The following MAP2K6 variants were observed in gnomAD, a reference collection of about 807,000 sequenced individuals.
MAP2K6 encodes mitogen-activated protein kinase kinase 6.
MAP2K6 carries 16 observed loss-of-function variants against 53.7 expected under a neutral mutation model. That is an observed-to-expected ratio of 0.30 (90% CI 0.20 to 0.45). The LOEUF is 0.45. Ranked by LOEUF, MAP2K6 falls within the 20% of genes least tolerant of loss-of-function variation. The pLI is 1.00. For missense variants in MAP2K6, 204 were observed against 411.9 expected, an observed-to-expected ratio of 0.50 and a Z score of 4.37; for synonymous variants, 132 against 143.1, an observed-to-expected ratio of 0.92 and a Z score of 0.55.
intron 1 of MAP2K6, among the ~76,000 whole-genome samples, chr17:69,419,349 T>G (rs1340742656): frequency 6.6e-6 from 1 of 152,326 alleles, no homozygotes; most frequent in East Asian, 1.9e-4. Context: ...TTGCCCTTCA[T>G]AGAGGTAACA....
chr17:69,536,085 G>T, intron 10 of MAP2K6, 30 bp from the exon 11 acceptor site: 1 of 1,471,520 alleles, frequency 6.8e-7, no homozygotes, highest in South Asian at 1.1e-5. Context: ...ATGGCTTCTA[G>T]ATTTTAATGA....
At chr17:69,460,021 C>G (rs1245738074) in intron 1 of MAP2K6, among the ~76,000 whole-genome samples, 1 of 143,542 alleles carries the variant, frequency 7.0e-6, no homozygotes, top group East Asian at 2.4e-4. Context: ...TTTTTACCCT[C>G]CTTCTCTCCC....
rs1336272308 is a variant in MAP2K6, at chr17:69,543,148, A to T, written c.*1395A>T. On this transcript the variant is annotated 3_prime_UTR_variant, in exon 12 of 12. Coordinates refer to ENST00000590474, the MANE Select transcript of MAP2K6 (RefSeq NM_002758.4). ...AGGTTTCTTGATGATCAAGGAGTGA[A>T]GTAATTGACAGGGAAAATATAGACC... 6.6e-6 allele frequency: 1 copy of T among 152,178 alleles called. No individual in the cohort carries two copies. Among genetic ancestry groups the T allele is most frequent in the Non-Finnish European group, 1.5e-5 (1 of 68,028 alleles). 9.4% of individuals were successfully genotyped at this position (152,178 alleles called of 1,614,324 possible). A position where few individuals can be genotyped will look rare whatever the true frequency, so the allele number is the denominator to read the frequency against.
intron 1 of MAP2K6, among the ~76,000 whole-genome samples, chr17:69,483,161 T>C (rs1908408288): frequency 6.6e-6 from 1 of 151,922 alleles, no homozygotes; most frequent in African/African-American, 2.4e-5. Context: ...TGATCTCTGT[T>C]TGTAGATAAC....
intron 1 of MAP2K6, among the ~76,000 whole-genome samples, chr17:69,446,399 G>C (rs547503266): frequency 1.2e-4 from 18 of 152,358 alleles, no homozygotes; most frequent in Non-Finnish European, 2.5e-4. Flanking sequence ...TGAATTGCTG[G>C]ATTAAGAATC....
rs1912122297 is a variant in MAP2K6 at position 69,552,080 on chromosome 17, T to G, written c.*10327T>G. The stretch of plus-strand genomic sequence containing the variant: ...AACACAACAACACGTTTTCTTACCT[T>G]CTGTAAATTTTGTGATAGACACATG... On this transcript the variant is annotated 3_prime_UTR_variant, in exon 12 of 12. Coordinates refer to ENST00000590474, the MANE Select transcript of MAP2K6 (RefSeq NM_002758.4). 1 of 152,356 alleles carries G rather than the reference T, an allele frequency of 6.6e-6. No individual in the cohort carries two copies. The highest frequency in any genetic ancestry group is 2.1e-4 in the South Asian group (1 of 4,832). 9.4% of individuals were successfully genotyped at this position (152,356 alleles called of 1,614,324 possible).
chr17:69,419,324 A>C (rs1906001592), intron 1 of MAP2K6, among the ~76,000 whole-genome samples: 1 of 152,206 alleles, frequency 6.6e-6, no homozygotes, highest in Non-Finnish European at 1.5e-5. Flanking sequence ...GGGCATGTAT[A>C]GATATATTGC....
intron 1 of MAP2K6, among the ~76,000 whole-genome samples, chr17:69,449,105 G>A (rs1415392159): frequency 6.6e-6 from 1 of 152,206 alleles, no homozygotes; most frequent in East Asian, 1.9e-4. Context: ...CATGGATTTT[G>A]GAGCCAGGCT....
intron 1 of MAP2K6, among the ~76,000 whole-genome samples, chr17:69,440,039 T>G (rs1906766602): frequency 6.6e-6 from 1 of 152,168 alleles, no homozygotes; most frequent in Admixed American, 6.5e-5. Flanking sequence ...AATAGAGACT[T>G]GAACCCTCTG....
intron 1 of MAP2K6, among the ~76,000 whole-genome samples, chr17:69,499,407 C>A (rs960623483): frequency 6.6e-6 from 1 of 152,188 alleles, no homozygotes; most frequent in African/African-American, 2.4e-5. Flanking sequence ...TAATGACCTG[C>A]GGAGATTGTA....
intron 1 of MAP2K6, among the ~76,000 whole-genome samples, chr17:69,425,632 G>A (rs1906251132): frequency 6.6e-6 from 1 of 152,048 alleles, no homozygotes; most frequent in Admixed American, 6.6e-5. Context: ...ATTCTTTCTC[G>A]GCTTTCTCTC....
intron 1 of MAP2K6, among the ~76,000 whole-genome samples, chr17:69,416,302 A>T (rs952369535): frequency 2.0e-5 from 3 of 152,154 alleles, no homozygotes; most frequent in Non-Finnish European, 2.9e-5. Flanking sequence ...TCAAAGTAGC[A>T]CTCTGCTTTT....
intron 1 of MAP2K6, among the ~76,000 whole-genome samples, chr17:69,451,344 C>A (rs774574432): frequency 6.6e-6 from 1 of 152,190 alleles, no homozygotes; most frequent in African/African-American, 2.4e-5. Context: ...TCTCTCCCCA[C>A]CCCACAAACC....
intron 1 of MAP2K6, among the ~76,000 whole-genome samples, chr17:69,479,599 A>G (rs1908277749): frequency 6.6e-6 from 1 of 152,168 alleles, no homozygotes; most frequent in South Asian, 2.1e-4. Context: ...ATTAAATGTA[A>G]CAAAATTTCA....
chr17:69,418,255 C>A (rs952851332), intron 1 of MAP2K6, among the ~76,000 whole-genome samples: 10 of 152,056 alleles, frequency 6.6e-5, no homozygotes, highest in African/African-American at 1.9e-4. Context: ...TTAGAGCATG[C>A]GGCCTGTTAA....
rs929652200 is a variant in MAP2K6, at chr17:69,510,263, T to C, written c.83+4417T>C. 2.0e-5 allele frequency among the ~76,000 whole-genome samples: 3 copies of C among 152,212 alleles called. No homozygotes were observed. The East Asian group carries it at 5.8e-4, about 29-fold the overall frequency. On this transcript the variant is annotated intron_variant, in intron 2 of 11. Coordinates refer to ENST00000590474, the MANE Select transcript of MAP2K6 (RefSeq NM_002758.4). ...TCGATATGTAGATTATGTTGATTCA[T>C]TTTTATGTACTCAGCTAGCTTTGCA...
chr17:69,521,886 A>G (rs1026550409), intron 7 of MAP2K6: 6 of 151,678 alleles, frequency 4.0e-5, no homozygotes, highest in Non-Finnish European at 7.4e-5. Context: ...CATGCCTACA[A>G]TCCCAGCACT....
At chr17:69,484,857 A>G (rs562893424) in intron 1 of MAP2K6, among the ~76,000 whole-genome samples, 5 of 152,178 alleles carry the variant, frequency 3.3e-5, no homozygotes, top group Non-Finnish European at 7.4e-5. Context: ...ATTATATGAA[A>G]TATCTAGAAT....
intron 1 of MAP2K6, among the ~76,000 whole-genome samples, chr17:69,481,040 T>C (rs1908334000): frequency 6.6e-6 from 1 of 152,222 alleles, no homozygotes; most frequent in Admixed American, 6.5e-5. Flanking sequence ...TATAGTATAA[T>C]TCAGTGGCAT....
Sources: allele counts gnomAD v4.1 joint callset (sites outside exome capture counted in the v4.1 genomes callset), GRCh38; gene constraint gnomAD v4.1.1; transcripts MANE v1.5; gene names NCBI Gene and HGNC (gene_info 2026-07-23, HGNC 2026-07-21).